LYPLAL1: variants seen among roughly 807,000 people sequenced by gnomAD.
LYPLAL1 encodes lysophospholipase-like protein 1.
In LYPLAL1, 23 loss-of-function variants were observed where a neutral mutation model predicts 19.7. The observed-to-expected ratio is 1.17, with a 90% CI of 0.84 to 1.65. The LOEUF is 1.65. LYPLAL1 is among the 40% of genes most tolerant of loss of function. The pLI is 0.00. For synonymous variants in LYPLAL1, 119 were observed against 96.3 expected, an observed-to-expected ratio of 1.24 and a Z score of -1.38; for missense variants, 355 against 279.4, an observed-to-expected ratio of 1.27 and a Z score of -1.93.
chr1:219,300,193 A>T, the LYPLAL1 span, among the ~76,000 whole-genome samples: 1 of 152,128 alleles, frequency 6.6e-6, no homozygotes, highest in Non-Finnish European at 1.5e-5. Context: ...TATGTTCCCC[A>T]GGCTGGTCTC....
At chr1:219,393,426 AGCC>A in the LYPLAL1 span, among the ~76,000 whole-genome samples, 1 of 152,082 alleles carries the variant, frequency 6.6e-6, no homozygotes. Context: ...TGCCCTTCAT[AGCC>A]ACCCTGGATG....
intron 2 of LYPLAL1, among the ~76,000 whole-genome samples, chr1:219,182,655 T>C (rs1331971338): frequency 1.3e-5 from 2 of 152,150 alleles, no homozygotes; most frequent in African/African-American, 4.8e-5. Flanking sequence ...TGCTACATAC[T>C]TTCTGATATT....
At chr1:219,217,107 C>A (rs1001652101), downstream of LYPLAL1, among the ~76,000 whole-genome samples, 1 of 152,098 alleles carries the variant, frequency 6.6e-6, no homozygotes, top group African/African-American at 2.4e-5. Flanking sequence ...CTTTTAATGA[C>A]CTTCACTTTG....
the LYPLAL1 span, among the ~76,000 whole-genome samples, chr1:219,402,739 A>G: frequency 6.6e-6 from 1 of 151,848 alleles, no homozygotes; most frequent in Non-Finnish European, 1.5e-5. Flanking sequence ...GAGATCTTTT[A>G]TGTCACATAA....
chr1:219,273,295 CT>C, the LYPLAL1 span: 1 of 152,198 alleles, frequency 6.6e-6, no homozygotes, highest in Non-Finnish European at 1.5e-5. Context: ...AACATACAAT[CT>C]TTCTTGTATC....
the LYPLAL1 span, among the ~76,000 whole-genome samples, chr1:219,294,869 T>A: frequency 2.0e-5 from 3 of 152,222 alleles, no homozygotes; most frequent in Non-Finnish European, 4.4e-5. Flanking sequence ...GAGGCTTCAA[T>A]GAATCCTTCT....
chr1:219,253,429 C>T, the LYPLAL1 span, among the ~76,000 whole-genome samples: 1 of 151,972 alleles, frequency 6.6e-6, no homozygotes, highest in Non-Finnish European at 1.5e-5. Context: ...ATGAATTTCC[C>T]TCTTAACACT....
the LYPLAL1 span, among the ~76,000 whole-genome samples, chr1:219,420,588 G>A: frequency 1.3e-5 from 2 of 152,192 alleles, no homozygotes; most frequent in Non-Finnish European, 2.9e-5. Flanking sequence ...CATGAGCAGC[G>A]TACACATAGC....
chr1:219,439,972 T>TATATGTATATATATAC, the LYPLAL1 span, among the ~76,000 whole-genome samples: 11 of 114,074 alleles, frequency 9.6e-5, no homozygotes, highest in African/African-American at 4.6e-4. Flanking sequence ...TATATATATA[T>TATATGTATATATATAC]ACATATATAT....
chr1:219,420,708 T>C, the LYPLAL1 span, among the ~76,000 whole-genome samples: 2 of 152,220 alleles, frequency 1.3e-5, no homozygotes, highest in African/African-American at 4.8e-5. Context: ...AGATAAATAT[T>C]GAAGTATCAT....
chr1:219,296,632 G>A, the LYPLAL1 span, among the ~76,000 whole-genome samples: 1 of 152,136 alleles, frequency 6.6e-6, no homozygotes, highest in Admixed American at 6.5e-5. Flanking sequence ...TCTTTTATGA[G>A]TCACTTTTTT....
At chr1:219,194,998 T>C (rs1367252095) in intron 3 of LYPLAL1, among the ~76,000 whole-genome samples, 1 of 152,062 alleles carries the variant, frequency 6.6e-6, no homozygotes, top group African/African-American at 2.4e-5. Flanking sequence ...AGTAAGAGAC[T>C]AGAACGTGAT....
the LYPLAL1 span, among the ~76,000 whole-genome samples, chr1:219,433,981 G>A: frequency 2.4e-4 from 37 of 152,222 alleles, no homozygotes; most frequent in Non-Finnish European, 4.6e-4. Context: ...TCTCAAAGGG[G>A]ATGATTCATT....
chr1:219,332,828 C>CT, the LYPLAL1 span, among the ~76,000 whole-genome samples: 23 of 145,066 alleles, frequency 1.6e-4, no homozygotes, highest in Non-Finnish European at 3.0e-4. Context: ...TTCTGCCCCC[C>CT]CCCCCCAAAT....
the LYPLAL1 span, among the ~76,000 whole-genome samples, chr1:219,358,223 T>C: frequency 6.6e-6 from 1 of 152,174 alleles, no homozygotes; most frequent in Admixed American, 6.5e-5. Flanking sequence ...CTTCTAACTA[T>C]ATTACAAAAT....
At chr1:219,194,496 A>C (rs1231404050) in intron 3 of LYPLAL1, among the ~76,000 whole-genome samples, 1 of 152,074 alleles carries the variant, frequency 6.6e-6, no homozygotes, top group Admixed American at 6.6e-5. Context: ...TATCTGCCTT[A>C]CATATTTCTT....
At chr1:219,429,420 G>A in the LYPLAL1 span, among the ~76,000 whole-genome samples, 1 of 152,192 alleles carries the variant, frequency 6.6e-6, no homozygotes, top group African/African-American at 2.4e-5. Context: ...CTCTTTGGGA[G>A]GCAGAGGCAG....
chr1:219,209,980 T>C (rs1256696831), intron 3 of LYPLAL1, among the ~76,000 whole-genome samples: 1 of 152,142 alleles, frequency 6.6e-6, no homozygotes. Flanking sequence ...ATTTTTATTA[T>C]ATCACCATAA....
At chr1:219,373,334 G>T in the LYPLAL1 span, among the ~76,000 whole-genome samples, 2 of 152,146 alleles carry the variant, frequency 1.3e-5, no homozygotes, top group Admixed American at 6.5e-5. Context: ...GGTAGCTAAC[G>T]CAGTATATTG....
Sources: allele counts gnomAD v4.1 joint callset (sites outside exome capture counted in the v4.1 genomes callset), GRCh38; gene constraint gnomAD v4.1.1; transcripts MANE v1.5; gene names NCBI Gene and HGNC (gene_info 2026-07-23, HGNC 2026-07-21).